SMAP1: variants seen among roughly 807,000 people sequenced by gnomAD.
SMAP1 encodes the protein small ArfGAP 1.
Under a neutral mutation model 58.5 loss-of-function variants are expected in SMAP1, and 24 were observed. The ratio of observed to expected loss-of-function variants is 0.41; its 90% CI spans 0.30 to 0.58. The LOEUF is 0.58. SMAP1 is among the 20% of genes least tolerant of loss of function. SMAP1 has a pLI of 0.29. For missense variants in SMAP1, 563 were observed against 566.3 expected (o/e 0.99, Z 0.06); for synonymous variants, 216 against 196.6 (o/e 1.10, Z -0.82).
chr6:70,774,857 A>G (rs1582160187), intron 4 of SMAP1, among the ~76,000 whole-genome samples: 1 of 151,998 alleles, frequency 6.6e-6, no homozygotes, highest in African/African-American at 2.4e-5. Flanking sequence ...TACTAAAAAT[A>G]CAAAAATTAG....
At chr6:70,843,521 A>C (rs1392490176) in intron 7 of SMAP1, among the ~76,000 whole-genome samples, 1 of 152,214 alleles carries the variant, frequency 6.6e-6, no homozygotes, top group African/African-American at 2.4e-5. Context: ...GCACAAGGTC[A>C]CACAGCTGGT....
chr6:70,718,819 C>CAAAA (rs5877259), intron 1 of SMAP1, among the ~76,000 whole-genome samples: 6 of 57,530 alleles, frequency 1.0e-4, no homozygotes, highest in East Asian at 5.4e-4. Context: ...GACTCCATCT[C>CAAAA]AAAAAAAAAA....
At chr6:70,731,844 A>G (rs894942769) in intron 1 of SMAP1, among the ~76,000 whole-genome samples, 1 of 152,178 alleles carries the variant, frequency 6.6e-6, no homozygotes, top group Admixed American at 6.5e-5. Context: ...GTTAAAGAGC[A>G]CTTTCACTAA....
chr6:70,700,981 C>A (rs1767603700), intron 1 of SMAP1, among the ~76,000 whole-genome samples: 2 of 152,200 alleles, frequency 1.3e-5, no homozygotes, highest in African/African-American at 4.8e-5. Flanking sequence ...GTGCTCCATT[C>A]TCTTGTGGAT....
chr6:70,704,513 C>T (rs982302879), intron 1 of SMAP1, among the ~76,000 whole-genome samples: 1 of 152,054 alleles, frequency 6.6e-6, no homozygotes, highest in African/African-American at 2.4e-5. Flanking sequence ...GTTCATGTTT[C>T]AAATAACGTC....
intron 6 of SMAP1, among the ~76,000 whole-genome samples, chr6:70,806,821 C>A (rs1168683438): frequency 3.3e-5 from 5 of 152,096 alleles, no homozygotes; most frequent in East Asian, 1.9e-4. Context: ...CATTTAAGTT[C>A]CTTATTTTAT....
chr6:70,845,954 C>G (rs1554209559), intron 7 of SMAP1, among the ~76,000 whole-genome samples: 2 of 152,162 alleles, frequency 1.3e-5, no homozygotes, highest in Non-Finnish European at 1.5e-5. Flanking sequence ...GTTGTAATCT[C>G]ATAGGCAGAT....
At position 70,681,784 on chromosome 6, in the gene SMAP1, C is replaced by T. The variant is rs562487503; in HGVS notation, c.118+13643C>T. 7.9e-5 allele frequency among the ~76,000 whole-genome samples: 12 copies of T among 152,230 alleles called. No homozygotes were observed. In the South Asian group the frequency reaches 2.1e-3, roughly 26 times the overall value. ...GTTTTTCTTGAGGAGTTGTGTTATT[C>T]ATACACAGCTCTAAAGTTGCTTGTG... On this transcript the variant is annotated intron_variant, in intron 1 of 10. Coordinates refer to ENST00000370455, the MANE Select transcript of SMAP1 (RefSeq NM_001044305.3).
At chr6:70,779,272 G>C (rs1767665781) in intron 4 of SMAP1, among the ~76,000 whole-genome samples, 1 of 152,218 alleles carries the variant, frequency 6.6e-6, no homozygotes, top group Non-Finnish European at 1.5e-5. Flanking sequence ...CTTCCGGGAA[G>C]ATGTCAAGTG....
chr6:70,798,792 T>G, intron 6 of SMAP1, 55 bp downstream of exon 6: 1 of 1,298,000 alleles, frequency 7.7e-7, no homozygotes, highest in Non-Finnish European at 1.0e-6. Context: ...ATTTGTATAC[T>G]TATATATTAA....
intron 6 of SMAP1, among the ~76,000 whole-genome samples, chr6:70,811,023 C>A (rs1769365365): frequency 6.6e-6 from 1 of 152,158 alleles, no homozygotes; most frequent in Non-Finnish European, 1.5e-5. Context: ...TTCTTACAAT[C>A]AATTTTTAAA....
intron 4 of SMAP1, among the ~76,000 whole-genome samples, chr6:70,787,004 C>G (rs1344656504): frequency 6.6e-5 from 10 of 152,078 alleles, no homozygotes; most frequent in Non-Finnish European, 1.3e-4. Flanking sequence ...CAGTCCTAAG[C>G]CAAAAGAACA....
intron 1 of SMAP1, chr6:70,668,660 C>G: frequency 6.5e-7 from 1 of 1,535,946 alleles, no homozygotes. Flanking sequence ...CACCTGACAG[C>G]TTTTGTACAA....
chr6:70,816,661 C>G (rs547109346), intron 6 of SMAP1, among the ~76,000 whole-genome samples: 1 of 152,178 alleles, frequency 6.6e-6, no homozygotes, highest in South Asian at 2.1e-4. Context: ...ATAGTAGAAA[C>G]AAAACAAAAT....
intron 2 of SMAP1, among the ~76,000 whole-genome samples, chr6:70,736,936 GT>G (rs1279348605): frequency 2.0e-5 from 3 of 152,148 alleles, no homozygotes; most frequent in African/African-American, 7.2e-5. Context: ...TGATTCTTCT[GT>G]GAGACTCATA....
At chr6:70,681,906 T>G (rs1371887811) in intron 1 of SMAP1, among the ~76,000 whole-genome samples, 1 of 152,172 alleles carries the variant, frequency 6.6e-6, no homozygotes, top group Non-Finnish European at 1.5e-5. Context: ...GGGTTCCTTT[T>G]TCATGACTAA....
intron 9 of SMAP1, chr6:70,857,380 T>A (rs1771472838): frequency 5.6e-6 from 1 of 178,784 alleles, no homozygotes; most frequent in Admixed American, 5.8e-5. Context: ...CAGTCTTGAG[T>A]TACCACATGG....
chr6:70,708,316 C>T (rs549026464), intron 1 of SMAP1, among the ~76,000 whole-genome samples: 9 of 152,100 alleles, frequency 5.9e-5, no homozygotes, highest in East Asian at 1.9e-4. Flanking sequence ...CCCCCAAGGC[C>T]GAATTATATT....
At chr6:70,677,943 A>G (rs1177902666) in intron 1 of SMAP1, among the ~76,000 whole-genome samples, 1 of 151,972 alleles carries the variant, frequency 6.6e-6, no homozygotes, top group African/African-American at 2.4e-5. Context: ...ACTGTGTTTA[A>G]CTTGGAGTGG....
Sources: allele counts gnomAD v4.1 joint callset (sites outside exome capture counted in the v4.1 genomes callset), GRCh38; gene constraint gnomAD v4.1.1; transcripts MANE v1.5; gene names NCBI Gene and HGNC (gene_info 2026-07-23, HGNC 2026-07-21).